Variants in KDM4C observed in about 807,000 individuals in gnomAD.
The protein encoded by KDM4C is lysine-specific demethylase 4C.
In KDM4C, 81 loss-of-function variants were observed where a neutral mutation model predicts 129.3. The observed-to-expected ratio is 0.63, with a 90% CI of 0.52 to 0.75. KDM4C has a LOEUF of 0.75. KDM4C is among the 30% of genes least tolerant of loss of function. The probability of loss-of-function intolerance (pLI) is 0.00; values close to 1 mark genes in which losing one functional copy is unlikely to be tolerated. For missense variants in KDM4C, 1,457 were observed against 1,304.0 expected (o/e 1.12, Z -1.81); for synonymous variants, 573 against 456.1 (o/e 1.26, Z -3.26).
chr9:6,873,128 C>A (rs756188988), intron 5 of KDM4C, among the ~76,000 whole-genome samples: 1 of 152,148 alleles, frequency 6.6e-6, no homozygotes, highest in Non-Finnish European at 1.5e-5. Flanking sequence ...TCCCGATTAG[C>A]TGAGATTATA....
At chr9:6,889,782 A>C (rs1376076129) in intron 7 of KDM4C, among the ~76,000 whole-genome samples, 1 of 152,186 alleles carries the variant, frequency 6.6e-6, no homozygotes, top group Non-Finnish European at 1.5e-5. Context: ...GTGGTAGCTT[A>C]AGGCTGATAC....
intron 5 of KDM4C, among the ~76,000 whole-genome samples, chr9:6,866,973 G>GTT (rs1433447971): frequency 6.6e-4 from 2 of 3,016 alleles, no homozygotes. Flanking sequence ...ATATATGTTT[G>GTT]TGTGTGTGTG....
intron 19 of KDM4C, among the ~76,000 whole-genome samples, chr9:7,129,721 T>C (rs1238815774): frequency 6.6e-6 from 1 of 152,154 alleles, no homozygotes; most frequent in East Asian, 1.9e-4. Context: ...ATACTTGAAC[T>C]ACAAGCAATC....
intron 15 of KDM4C, among the ~76,000 whole-genome samples, chr9:7,021,979 A>C (rs1292024278): frequency 6.6e-6 from 1 of 152,044 alleles, no homozygotes; most frequent in African/African-American, 2.4e-5. Context: ...GTATGGATTT[A>C]CCTCTGGGTT....
At chr9:6,867,916 A>T (rs747376510) in intron 5 of KDM4C, among the ~76,000 whole-genome samples, 1 of 152,208 alleles carries the variant, frequency 6.6e-6, no homozygotes, top group Non-Finnish European at 1.5e-5. Context: ...ATGGAATCCA[A>T]ATCTTACACA....
intron 8 of KDM4C, among the ~76,000 whole-genome samples, chr9:6,935,512 A>G (rs917630629): frequency 3.3e-5 from 5 of 151,596 alleles, no homozygotes; most frequent in Non-Finnish European, 5.9e-5. Flanking sequence ...CCATCTCCCA[A>G]GTTCAAGAGA....
chr9:6,950,907 A>C (rs1423737970), intron 8 of KDM4C, among the ~76,000 whole-genome samples: 1 of 152,176 alleles, frequency 6.6e-6, no homozygotes, highest in African/African-American at 2.4e-5. Flanking sequence ...ACCTTTCCTT[A>C]AATGTTTCAG....
chr9:7,031,164 TTATTTATG>T (rs60838366), intron 15 of KDM4C, among the ~76,000 whole-genome samples: 33,038 of 126,514 alleles, frequency 0.26, 4,030 homozygotes, highest in Non-Finnish European at 0.29. Context: ...ATTTATTTAT[TTATTTATG>T]TATGTTTTGA....
chr9:6,811,448 T>C (rs1246753357), intron 3 of KDM4C, among the ~76,000 whole-genome samples: 8 of 152,172 alleles, frequency 5.3e-5, no homozygotes, highest in Non-Finnish European at 1.5e-5. Context: ...TGTTTTTCTT[T>C]AGCACCTGAC....
intron 5 of KDM4C, among the ~76,000 whole-genome samples, chr9:6,850,495 G>T (rs1246844421): frequency 1.3e-5 from 2 of 151,962 alleles, no homozygotes; most frequent in Non-Finnish European, 1.5e-5. Context: ...GCCCAAGCTG[G>T]AGTGCAGTGG....
chr9:6,907,043 C>T (rs1406871457), intron 8 of KDM4C, among the ~76,000 whole-genome samples: 1 of 152,144 alleles, frequency 6.6e-6, no homozygotes, highest in East Asian at 1.9e-4. Flanking sequence ...CCCAATTTTA[C>T]TATTGTGAAA....
chr9:6,849,484 T>C (rs775715553), intron 4 of KDM4C, 23 bp from the exon 5 acceptor site: 1 of 1,510,942 alleles, frequency 6.6e-7, no homozygotes, highest in Non-Finnish European at 8.9e-7. Flanking sequence ...GATTTCTCTC[T>C]CTTTTTTTCT....
At chr9:7,094,672 C>G (rs1487691140) in intron 17 of KDM4C, among the ~76,000 whole-genome samples, 1 of 152,308 alleles carries the variant, frequency 6.6e-6, no homozygotes, top group East Asian at 1.9e-4. Flanking sequence ...GCAGTTGTCT[C>G]CCCTGAAAAG....
chr9:6,924,251 A>C (rs940131697), intron 8 of KDM4C, among the ~76,000 whole-genome samples: 4 of 152,172 alleles, frequency 2.6e-5, no homozygotes, highest in Non-Finnish European at 4.4e-5. Flanking sequence ...GGTGTGGACT[A>C]GTTTAATATA....
rs746029135 is a variant in KDM4C, at chr9:6,805,630, A to C, written c.176A>C (p.Gln59Pro). ...CCTCCTAAGGAGTGGAAGCCAAGAC[A>C]GTGCTATGATGACATTGATAATTTG... Reference protein sequence around the residue: ...VIPPKEWKPRQCYDDIDNLLI... With the variant: ...VIPPKEWKPRPCYDDIDNLLI... The change falls in exon 3 of 22, where the codon CAG becomes CCG. Residue 59 changes from glutamine to proline, a missense_variant. Gln to Pro is a moderately conservative substitution (Grantham distance 76). Coordinates refer to ENST00000381309, the MANE Select transcript of KDM4C (RefSeq NM_015061.6). 1.2e-6 allele frequency: 2 copies of C among 1,613,640 alleles called. No homozygotes were observed. Among genetic ancestry groups the C allele is most frequent in the East Asian group, 4.5e-5 (2 of 44,864 alleles).
chr9:7,109,539 A>G (rs1427040311), intron 18 of KDM4C, among the ~76,000 whole-genome samples: 11 of 152,180 alleles, frequency 7.2e-5, no homozygotes, highest in Non-Finnish European at 4.4e-5. Context: ...ATTTCACTAT[A>G]TTGTTGTGCC....
chr9:6,958,373 C>A (rs1829444647), intron 8 of KDM4C, among the ~76,000 whole-genome samples: 1 of 151,918 alleles, frequency 6.6e-6, no homozygotes, highest in African/African-American at 2.4e-5. Context: ...TTATCTGAGA[C>A]CAGAAGTTCG....
intron 1 of KDM4C, among the ~76,000 whole-genome samples, chr9:6,776,068 G>A (rs552012104): frequency 3.3e-5 from 5 of 152,158 alleles, no homozygotes; most frequent in Admixed American, 6.5e-5. Flanking sequence ...ATATCCCATA[G>A]AAGGATAACA....
At chr9:6,984,079 G>C in intron 9 of KDM4C, 87 bp from the exon 10 acceptor site, 2 of 790,758 alleles carry the variant, frequency 2.5e-6, no homozygotes, top group Non-Finnish European at 4.2e-6. Flanking sequence ...CCTTCTTTAA[G>C]CAAGTGAAAA....
Sources: gnomAD v4.1 joint callset for allele counts (sites outside exome capture counted in the v4.1 genomes callset) on GRCh38, gnomAD v4.1.1 for gene constraint, MANE v1.5 for transcripts, NCBI Gene and HGNC (gene_info 2026-07-23, HGNC 2026-07-21) for gene names.